Variants in METTL22 observed in about 807,000 individuals in gnomAD.
The protein encoded by METTL22 is methyltransferase 22, Kin17 lysine.
METTL22 carries 51 observed loss-of-function variants against 48.4 expected under a neutral mutation model. That is an observed-to-expected ratio of 1.05 (90% CI 0.84 to 1.33). The LOEUF (loss-of-function observed/expected upper bound fraction) is 1.33. Among genes scored for constraint, METTL22 ranks in the 40% most tolerant of loss-of-function variants. The pLI is 0.00. For synonymous variants in METTL22, 255 were observed against 214.1 expected, an observed-to-expected ratio of 1.19 and a Z score of -1.67; for missense variants, 678 against 526.9, an observed-to-expected ratio of 1.29 and a Z score of -2.81.
At chr16:8,658,355 C>T in the METTL22 span, among the ~76,000 whole-genome samples, 2 of 152,174 alleles carry the variant, frequency 1.3e-5, no homozygotes, top group African/African-American at 4.8e-5. Context: ...TGTTTTAATC[C>T]CCCAGTTTGT....
the METTL22 span, among the ~76,000 whole-genome samples, chr16:8,662,374 C>A: frequency 1.4e-5 from 2 of 145,324 alleles, no homozygotes; most frequent in Admixed American, 1.4e-4. Flanking sequence ...AATCCAGGAG[C>A]CTTGTGGATT....
chr16:8,654,674 CAG>C, the METTL22 span, among the ~76,000 whole-genome samples: 3 of 152,176 alleles, frequency 2.0e-5, no homozygotes, highest in Non-Finnish European at 4.4e-5. Flanking sequence ...TAGAAAGACT[CAG>C]AGAAAAGTTC....
At chr16:8,634,737 C>G (rs2056370913) in intron 3 of METTL22, among the ~76,000 whole-genome samples, 2 of 152,104 alleles carry the variant, frequency 1.3e-5, no homozygotes, top group African/African-American at 4.8e-5. Context: ...CATGTGGGTG[C>G]AATTAAATTG....
intron 7 of METTL22, chr16:8,641,510 G>A: frequency 5.7e-6 from 3 of 525,760 alleles, no homozygotes; most frequent in South Asian, 3.1e-5. Flanking sequence ...ACCCGAGTTT[G>A]TCAGACTCTG....
the METTL22 span, among the ~76,000 whole-genome samples, chr16:8,663,482 A>T: frequency 6.6e-6 from 1 of 152,054 alleles, no homozygotes; most frequent in Admixed American, 6.6e-5. Context: ...ATGACAACAC[A>T]TACCTGGATG....
rs1045929109 is a variant in METTL22 at position 8,625,890 on chromosome 16, A to T, written c.133+92A>T. The T allele has an allele frequency of 2.7e-6, 4 of 1,503,810 alleles. No homozygotes were observed. The African/African-American group carries it at 5.5e-5, about 21-fold the overall frequency. The allele number at this position is 1,503,810 out of a possible 1,614,324, so 93.2% of individuals were successfully genotyped here. On this transcript the variant is annotated intron_variant, in intron 2 of 10. Coordinates refer to ENST00000381920, the MANE Select transcript of METTL22 (RefSeq NM_024109.4). ...TTGGGGAAAATATTGGGAAGACTGG[A>T]TTACGTAACTGTTATCCTCAGACCA... is the stretch of plus-strand genomic sequence containing the variant.
chr16:8,635,166 A>C lies in METTL22; in HGVS notation c.556-2A>C. ...TGTCGCTCCTTGTCCTCTTCCCTCC[A>C]GGTGTGGCGGGGCGCCCTGCTCCTG... On this transcript the variant is annotated splice_acceptor_variant, in intron 4 of 10. Transcript: ENST00000381920. LOFTEE classifies it high-confidence loss of function. 2 of 1,612,970 alleles carry C rather than the reference A, an allele frequency of 1.2e-6. No homozygotes were observed. Among genetic ancestry groups the C allele is most frequent in the Non-Finnish European group, 8.5e-7 (1 of 1,179,408 alleles).
intron 2 of METTL22, among the ~76,000 whole-genome samples, chr16:8,627,847 G>A (rs1018378565): frequency 5.3e-5 from 8 of 152,124 alleles, no homozygotes; most frequent in African/African-American, 1.9e-4. Context: ...CCCAGGCTCA[G>A]GTGATCCTCC....
intron 3 of METTL22, among the ~76,000 whole-genome samples, chr16:8,632,919 A>C (rs1402726442): frequency 3.9e-5 from 6 of 152,182 alleles, no homozygotes; most frequent in Admixed American, 3.9e-4. Context: ...CCTGGAAGGA[A>C]GTGACCAATC....
chr16:8,653,197 C>T, downstream of METTL22, among the ~76,000 whole-genome samples: 1 of 152,234 alleles, frequency 6.6e-6, no homozygotes, highest in African/African-American at 2.4e-5. Context: ...ATTTGCTTTT[C>T]TAACACTAGT....
chr16:8,623,828 G>A (rs2055946039), intron 1 of METTL22: 1 of 152,162 alleles, frequency 6.6e-6, no homozygotes, highest in South Asian at 2.1e-4. Context: ...AGGACAGCCT[G>A]AGTCATGATG....
rs1463049249 is a variant in METTL22 at position 8,642,523 on chromosome 16, G to C, written c.968G>C (p.Arg323Thr). ...AAAACGCTCTCCCGACTCGCCCACA[G>C]ATTGAAAAATGCCTGCACAGCCATA... ...VFKTLSRLAHRLKNACTAILS... is the reference protein window; with the variant it reads ...VFKTLSRLAHTLKNACTAILS... Residue 323 changes from arginine to threonine, a missense_variant, in exon 9 of 11, where the codon AGA becomes ACA. Transcript: ENST00000381920. The C allele has an allele frequency of 6.2e-7, 1 of 1,614,116 alleles. No individual in the cohort carries two copies. Among genetic ancestry groups the C allele is most frequent in the Non-Finnish European group, 8.5e-7 (1 of 1,180,060 alleles).
the METTL22 span, among the ~76,000 whole-genome samples, chr16:8,657,989 C>T: frequency 6.6e-6 from 1 of 152,024 alleles, no homozygotes; most frequent in South Asian, 2.1e-4. Context: ...CTAATTTTGT[C>T]TGTTTTTAGC....
rs2056847717 is a variant in METTL22, at chr16:8,648,768, C to CAG, written c.*2633_*2634dup. The CAG allele has an allele frequency of 6.6e-6, 1 of 152,236 alleles. No homozygotes were observed. The highest frequency in any genetic ancestry group is 6.5e-5 in the Admixed American group (1 of 15,284). 9.4% of individuals were successfully genotyped at this position (152,236 alleles called of 1,614,324 possible). A position where few individuals can be genotyped will look rare whatever the true frequency, so the allele number is the denominator to read the frequency against. On this transcript the variant is annotated 3_prime_UTR_variant, in exon 11 of 11. Coordinates refer to ENST00000381920, the MANE Select transcript of METTL22 (RefSeq NM_024109.4). ...CACCATTGCACTCTGGCCTGGGCAA[C>CAG]AGAGAGAGATCCTGTCTCCAAAAAA... is the stretch of plus-strand genomic sequence containing the variant.
downstream of METTL22, among the ~76,000 whole-genome samples, chr16:8,651,081 A>T (rs1596378221): frequency 6.6e-6 from 1 of 151,900 alleles, no homozygotes; most frequent in East Asian, 1.9e-4. Flanking sequence ...TCTTCACAGA[A>T]TTATTGTAAA....
Position 8,641,168 on chromosome 16 carries a change from G to A in METTL22, c.810G>A (p.Lys270=). 6.2e-7 allele frequency: 1 copy of A among 1,613,996 alleles called. No individual in the cohort carries two copies. Among genetic ancestry groups the A allele is most frequent in the Non-Finnish European group, 8.5e-7 (1 of 1,179,964 alleles). ...IVRVKELDWL[K]DDLCTDPKVP... ...GGGTCAAAGAACTGGACTGGCTGAA[G>A]GACGACCTCTGCACAGGTGTGTGTT... Residue 270 remains lysine (K), a synonymous_variant, in exon 7 of 11, where the codon AAG becomes AAA. Coordinates refer to ENST00000381920, the MANE Select transcript of METTL22 (RefSeq NM_024109.4).
rs375033051 is a variant in METTL22 at position 8,630,160 on chromosome 16, C to A, written c.514+1050C>A. Among the ~76,000 whole-genome samples, 178 of 149,614 alleles carry A rather than the reference C, an allele frequency of 1.2e-3. 2 individuals are homozygous for A. Among genetic ancestry groups the A allele is most frequent in the African/African-American group, 4.0e-3 (165 of 40,822 alleles). ...AGAATGGGGGTCAGTGGGTCACTCT[C>A]AAAAACAGACAAAACAGCAGCTCTG... On this transcript the variant is annotated intron_variant, in intron 3 of 10. Transcript: ENST00000381920.
intron 1 of METTL22, among the ~76,000 whole-genome samples, chr16:8,622,727 C>G (rs2055896837): frequency 6.6e-6 from 1 of 152,104 alleles, no homozygotes; most frequent in Admixed American, 6.5e-5. Flanking sequence ...CTCATATACT[C>G]CTCTGAGTAT....
intron 1 of METTL22, among the ~76,000 whole-genome samples, chr16:8,624,355 C>T (rs377362986): frequency 5.4e-4 from 76 of 139,488 alleles, no homozygotes; most frequent in African/African-American, 2.0e-3. Context: ...CCTTTAAATC[C>T]ACTCACTCTT....
Sources: gnomAD v4.1 joint callset for allele counts (sites outside exome capture counted in the v4.1 genomes callset) on GRCh38, gnomAD v4.1.1 for gene constraint, MANE v1.5 for transcripts, NCBI Gene and HGNC (gene_info 2026-07-23, HGNC 2026-07-21) for gene names.